The following IARS1 variants were observed in gnomAD, a reference collection of about 807,000 sequenced individuals.
IARS1 encodes the protein isoleucyl-tRNA synthetase 1, also known as isoleucine--tRNA ligase, cytoplasmic.
A neutral mutation model predicts 168.2 loss-of-function variants in IARS1; 124 were observed. The ratio of observed to expected loss-of-function variants is 0.74; its 90% confidence interval spans 0.64 to 0.86. The LOEUF (loss-of-function observed/expected upper bound fraction) is 0.86. IARS1 is among the 40% of genes least tolerant of loss of function. IARS1 has a pLI of 0.00. For synonymous variants in IARS1, 532 were observed against 529.4 expected, an observed-to-expected ratio of 1.00 and a Z score of -0.07; for missense variants, 1,452 against 1,515.8, an observed-to-expected ratio of 0.96 and a Z score of 0.70.
chr9:92,273,224 A>G (rs1386657624), intron 10 of IARS1, among the ~76,000 whole-genome samples: 1 of 152,136 alleles, frequency 6.6e-6, no homozygotes, highest in Non-Finnish European at 1.5e-5. Context: ...ATACCAGTTA[A>G]TTGACCCTAA....
chr9:92,228,859 C>A, intron 31 of IARS1, 142 bp downstream of exon 31: 1 of 837,360 alleles, frequency 1.2e-6, no homozygotes, highest in Non-Finnish European at 1.9e-6. Context: ...ACACTGCAGG[C>A]AGGCACTGCT....
intron 29 of IARS1, among the ~76,000 whole-genome samples, chr9:92,241,231 C>T (rs1019359063): frequency 3.3e-5 from 5 of 152,178 alleles, no homozygotes; most frequent in African/African-American, 9.7e-5. Flanking sequence ...CACTGCAACT[C>T]GCCTCACTGA....
intron 2 of IARS1, among the ~76,000 whole-genome samples, chr9:92,288,908 A>G (rs1835874692): frequency 6.6e-6 from 1 of 152,180 alleles, no homozygotes; most frequent in African/African-American, 2.4e-5. Context: ...AGAAAGATTA[A>G]TAAAGAGTAT....
chr9:92,261,432 GA>G (rs934864119), intron 17 of IARS1, among the ~76,000 whole-genome samples: 1 of 152,218 alleles, frequency 6.6e-6, no homozygotes, highest in African/African-American at 2.4e-5. Context: ...AGGGATTGGG[GA>G]TGACAGTGGG....
chr9:92,235,495 AATACG>A (rs1827351226), intron 30 of IARS1, among the ~76,000 whole-genome samples: 1 of 151,564 alleles, frequency 6.6e-6, no homozygotes, highest in Non-Finnish European at 1.5e-5. Context: ...TTAGTCTGAC[AATACG>A]ATAATTACAT....
chr9:92,263,607 C>T (rs1831847315), intron 16 of IARS1, among the ~76,000 whole-genome samples: 1 of 152,206 alleles, frequency 6.6e-6, no homozygotes, highest in Non-Finnish European at 1.5e-5. Context: ...TAGTCCTGCA[C>T]TCTGAGAACA....
intron 19 of IARS1, among the ~76,000 whole-genome samples, chr9:92,258,564 T>G (rs555882271): frequency 6.6e-6 from 1 of 152,124 alleles, no homozygotes; most frequent in Non-Finnish European, 1.5e-5. Flanking sequence ...CAATCCAGTC[T>G]GGGTGACAAG....
chr9:92,233,678 CACTT>C (rs1386865833), intron 30 of IARS1, among the ~76,000 whole-genome samples: 3 of 152,230 alleles, frequency 2.0e-5, no homozygotes, highest in African/African-American at 4.8e-5. Flanking sequence ...CACGTCTCTC[CACTT>C]ACTTAGATTT....
At chr9:92,215,005 C>A in intron 33 of IARS1, among the ~76,000 whole-genome samples, 1 of 152,246 alleles carries the variant, frequency 6.6e-6, no homozygotes, top group Non-Finnish European at 1.5e-5. Context: ...GTAACCTCTG[C>A]AGACTTAAAT....
chr9:92,293,614 AGG>A lies in IARS1; in HGVS notation c.-13_-12del. On this transcript the variant is annotated 5_prime_UTR_variant, in exon 1 of 34. Coordinates refer to ENST00000443024, the MANE Select transcript of IARS1 (RefSeq NM_002161.6). ...CTGCAGGGAAGAGAGGGCGTACCTG[AGG>A]GGCCTCGCGTGCCTGGACAGCCCCG... The A allele has an allele frequency of 2.8e-6, 1 of 353,554 alleles. No individual in the cohort carries two copies. Among genetic ancestry groups the A allele is most frequent in the East Asian group, 7.4e-5 (1 of 13,512 alleles). 21.9% of individuals were successfully genotyped at this position (353,554 alleles called of 1,614,324 possible). A position where few individuals can be genotyped will look rare whatever the true frequency, so the allele number is the denominator to read the frequency against.
At chr9:92,250,597 G>T in intron 23 of IARS1, 116 bp downstream of exon 23, 1 of 1,182,520 alleles carries the variant, frequency 8.5e-7, no homozygotes, top group Non-Finnish European at 1.2e-6. Context: ...TGTCAGCTGG[G>T]GCGGGAGGCA....
chr9:92,274,174 C>T (rs908251448), intron 10 of IARS1, among the ~76,000 whole-genome samples: 6 of 151,960 alleles, frequency 3.9e-5, no homozygotes, highest in South Asian at 2.1e-4. Flanking sequence ...GGCACCTGCA[C>T]GTCTCTAGAT....
intron 31 of IARS1, among the ~76,000 whole-genome samples, chr9:92,226,710 T>G (rs909227934): frequency 1.3e-5 from 2 of 152,206 alleles, no homozygotes; most frequent in African/African-American, 4.8e-5. Context: ...CAATCTTGGT[T>G]GTTTCTTGGC....
chr9:92,250,609 G>A (rs1829874709), intron 23 of IARS1, 104 bp downstream of exon 23: 6 of 1,294,026 alleles, frequency 4.6e-6, no homozygotes, highest in Non-Finnish European at 6.3e-6. Context: ...CGGGAGGCAA[G>A]GCACAGATGG....
intron 30 of IARS1, among the ~76,000 whole-genome samples, chr9:92,230,694 C>G (rs1432712964): frequency 6.6e-6 from 1 of 152,194 alleles, no homozygotes; most frequent in African/African-American, 2.4e-5. Flanking sequence ...TACTGCCGAA[C>G]TATTTTCCAG....
At chr9:92,258,541 G>T (rs1167818403) in intron 19 of IARS1, among the ~76,000 whole-genome samples, 3 of 152,218 alleles carry the variant, frequency 2.0e-5, no homozygotes, top group African/African-American at 7.2e-5. Flanking sequence ...AGTGAGCCGA[G>T]ATCGTGCTAT....
intron 26 of IARS1, among the ~76,000 whole-genome samples, chr9:92,246,283 C>T (rs1295041434): frequency 1.3e-5 from 2 of 151,996 alleles, no homozygotes; most frequent in Non-Finnish European, 1.5e-5. Context: ...ATTTATGAAT[C>T]CTCAAATCTC....
chr9:92,265,602 G>A, intron 14 of IARS1, 49 bp from the exon 15 acceptor site: 1 of 1,355,384 alleles, frequency 7.4e-7, no homozygotes. Context: ...GCCAAACAGA[G>A]CATACTGAGT....
chr9:92,250,382 C>A, intron 23 of IARS1, 93 bp from the exon 24 acceptor site: 2 of 847,514 alleles, frequency 2.4e-6, no homozygotes, highest in Non-Finnish European at 4.0e-6. Flanking sequence ...GAGGGTCAGG[C>A]TAGAGAAGTG....
Sources: gnomAD v4.1 joint callset for allele counts (sites outside exome capture counted in the v4.1 genomes callset) on GRCh38, gnomAD v4.1.1 for gene constraint, MANE v1.5 for transcripts, NCBI Gene and HGNC (gene_info 2026-07-23, HGNC 2026-07-21) for gene names.